The following FMN2 variants were observed in gnomAD, a reference collection of about 807,000 sequenced individuals.
FMN2 encodes the protein formin-2.
Under a neutral mutation model 142.3 loss-of-function variants are expected in FMN2, and 51 were observed. The ratio of observed to expected loss-of-function variants is 0.36; its 90% CI spans 0.29 to 0.45. FMN2 has a LOEUF of 0.45. FMN2 is among the 20% of genes least tolerant of loss of function. The probability of loss-of-function intolerance (pLI) is 1.00; values close to 1 mark genes in which losing one functional copy is unlikely to be tolerated. For missense variants in FMN2, 1,936 were observed against 2,122.8 expected (o/e 0.91, Z 1.73); for synonymous variants, 882 against 869.8 (o/e 1.01, Z -0.25).
intron 2 of FMN2, among the ~76,000 whole-genome samples, chr1:240,155,908 T>A (rs77767699): frequency 1.2e-4 from 18 of 149,212 alleles, no homozygotes; most frequent in African/African-American, 2.3e-4. Flanking sequence ...TTTTTTTTTT[T>A]AATAATGACT....
At chr1:240,463,273 T>A (rs144376173) in intron 16 of FMN2, among the ~76,000 whole-genome samples, 31 of 152,282 alleles carry the variant, frequency 2.0e-4, no homozygotes, top group African/African-American at 7.0e-4. Flanking sequence ...AGACAGATTT[T>A]AACGTCATTA....
chr1:240,422,113 T>C (rs1674788263), intron 15 of FMN2, among the ~76,000 whole-genome samples: 1 of 152,236 alleles, frequency 6.6e-6, no homozygotes, highest in Non-Finnish European at 1.5e-5. Flanking sequence ...TTGATCTGTC[T>C]GTCTGTTCTT....
intron 14 of FMN2, among the ~76,000 whole-genome samples, chr1:240,386,252 A>G (rs1673401953): frequency 6.6e-6 from 1 of 152,226 alleles, no homozygotes; most frequent in Admixed American, 6.5e-5. Context: ...ATGAGTCAGA[A>G]GAAAGGCACT....
chr1:240,354,724 G>GA (rs1044323662), intron 13 of FMN2, among the ~76,000 whole-genome samples: 8 of 151,830 alleles, frequency 5.3e-5, no homozygotes, highest in African/African-American at 1.7e-4. Flanking sequence ...ACCTGGAAGG[G>GA]AAAAAAGAGG....
chr1:240,409,744 A>G (rs1674335033), intron 15 of FMN2, among the ~76,000 whole-genome samples: 1 of 152,210 alleles, frequency 6.6e-6, no homozygotes, highest in African/African-American at 2.4e-5. Context: ...ATGCCCAAAC[A>G]ATAAGGAAAA....
chr1:240,310,035 A>G (rs1670548628), intron 8 of FMN2, among the ~76,000 whole-genome samples: 1 of 152,192 alleles, frequency 6.6e-6, no homozygotes, highest in African/African-American at 2.4e-5. Context: ...GTAATTATTA[A>G]CTTCAGGTCT....
chr1:240,231,225 A>G lies in FMN2; in HGVS notation c.4065+19990A>G, dbSNP rs564817850. Among the ~76,000 whole-genome samples, 2 of 132,840 alleles carry G rather than the reference A, an allele frequency of 1.5e-5. 1 individual carries two copies. Among genetic ancestry groups the G allele is most frequent in the South Asian group, 4.7e-4 (2 of 4,296 alleles). 87.1% of individuals were successfully genotyped at this position (132,840 alleles called of 152,430 possible). A position where few individuals can be genotyped will look rare whatever the true frequency, so the allele number is the denominator to read the frequency against. ...ATTTGACCATCTCTTTGCGTTCCAC[A>G]TTAAGCCTTCCAAAAAATAAAACAA... On this transcript the variant is annotated intron_variant, in intron 6 of 17. Coordinates refer to ENST00000319653, the MANE Select transcript of FMN2 (RefSeq NM_020066.5).
intron 7 of FMN2, among the ~76,000 whole-genome samples, chr1:240,270,227 T>C (rs545406989): frequency 6.6e-6 from 1 of 152,010 alleles, no homozygotes; most frequent in Non-Finnish European, 1.5e-5. Context: ...TTGTTGGGAG[T>C]TTTTATCATG....
chr1:240,258,036 A>G lies in FMN2; in HGVS notation c.4153+4A>G, dbSNP rs1668508004. On this transcript the variant is annotated splice_donor_region_variant and intron_variant, in intron 7 of 17. Transcript: ENST00000319653. ...GATATGAAAGACATACAACATGGTAAGTGTCAAAATGAAAATTTAGCTTCT... is the reference window on the plus strand; with the variant it reads ...GATATGAAAGACATACAACATGGTAGGTGTCAAAATGAAAATTTAGCTTCT... 6.2e-7 allele frequency: 1 copy of G among 1,601,062 alleles called. No individual in the cohort carries two copies. The highest frequency in any genetic ancestry group is 2.2e-5 in the East Asian group (1 of 44,686).
intron 7 of FMN2, among the ~76,000 whole-genome samples, chr1:240,292,941 T>C (rs144488603): frequency 1.0e-3 from 152 of 152,274 alleles, no homozygotes; most frequent in African/African-American, 3.4e-3. Context: ...TCAGGTCAAC[T>C]AGGGGGAAGT....
chr1:240,300,925 G>T, intron 8 of FMN2, among the ~76,000 whole-genome samples: 1 of 146,412 alleles, frequency 6.8e-6, no homozygotes. Context: ...CTCCATCTGT[G>T]TACTTTCAAC....
chr1:240,413,622 G>A (rs1217808344), intron 15 of FMN2, among the ~76,000 whole-genome samples: 1 of 152,146 alleles, frequency 6.6e-6, no homozygotes, highest in Non-Finnish European at 1.5e-5. Context: ...AAATAGAGGG[G>A]CATTGTCAGG....
chr1:240,123,527 G>GAA (rs1227844145), intron 2 of FMN2, among the ~76,000 whole-genome samples, 182 bp downstream of exon 2: 2 of 137,448 alleles, frequency 1.5e-5, no homozygotes, highest in Non-Finnish European at 3.2e-5. Flanking sequence ...AAAAAAGAAA[G>GAA]AAAAAAAACT....
intron 2 of FMN2, 104 bp downstream of exon 2, chr1:240,123,449 G>T: frequency 2.7e-6 from 3 of 1,129,054 alleles, no homozygotes; most frequent in South Asian, 2.0e-5. Flanking sequence ...AACAACATGT[G>T]ATTCAAGCAT....
intron 2 of FMN2, among the ~76,000 whole-genome samples, chr1:240,129,910 A>G (rs1173261619): frequency 1.3e-5 from 2 of 151,970 alleles, no homozygotes; most frequent in East Asian, 3.9e-4. Flanking sequence ...TAATATTGCT[A>G]TTTTGAGTTT....
chr1:240,325,216 G>C (rs1321639396), intron 8 of FMN2, among the ~76,000 whole-genome samples: 2 of 151,854 alleles, frequency 1.3e-5, no homozygotes, highest in African/African-American at 2.4e-5. Context: ...AACTTAGCTG[G>C]AGGGTAGTCC....
chr1:240,372,008 G>A (rs1672885680), intron 14 of FMN2, among the ~76,000 whole-genome samples: 1 of 152,184 alleles, frequency 6.6e-6, no homozygotes, highest in South Asian at 2.1e-4. Context: ...GGCCGAGGCG[G>A]GTGGATCACC....
intron 6 of FMN2, among the ~76,000 whole-genome samples, chr1:240,228,531 A>T (rs1053065176): frequency 6.6e-6 from 1 of 152,026 alleles, no homozygotes. Flanking sequence ...GAGAAAGGCC[A>T]TAGCTAGCAT....
intron 8 of FMN2, among the ~76,000 whole-genome samples, chr1:240,299,744 C>G (rs924984372): frequency 1.3e-5 from 2 of 152,042 alleles, no homozygotes; most frequent in African/African-American, 4.8e-5. Context: ...GTCCGCTGGA[C>G]TGAAAAGAAG....
Sources: gnomAD v4.1 joint callset for allele counts (sites outside exome capture counted in the v4.1 genomes callset) on GRCh38, gnomAD v4.1.1 for gene constraint, MANE v1.5 for transcripts, NCBI Gene and HGNC (gene_info 2026-07-23, HGNC 2026-07-21) for gene names.